The following ARL10 variants were observed in gnomAD, a reference collection of about 807,000 sequenced individuals.
ARL10 encodes ARF like GTPase 10, also known as ADP-ribosylation factor-like protein 10.
In ARL10, 23 loss-of-function variants were observed where a neutral mutation model predicts 26.1. That is an observed-to-expected ratio of 0.88 (90% CI 0.63 to 1.25). ARL10 has a LOEUF of 1.25. Ranked by LOEUF, ARL10 falls within the 50% of genes most tolerant of loss-of-function variation. ARL10 has a pLI of 0.00. For missense variants in ARL10, 300 were observed against 323.6 expected (o/e 0.93, Z 0.56); for synonymous variants, 138 against 149.1 (o/e 0.93, Z 0.54).
In ARL10 at chr5:176,375,231, T is replaced by TCCTTCCATCCATCCAC. The variant is rs1561775910; in HGVS notation, c.*3338_*3339insTTCCATCCATCCACCC. 3.9e-4 allele frequency: 41 copies of TCCTTCCATCCATCCAC among 104,198 alleles called. 1 individual carries two copies. Among genetic ancestry groups the TCCTTCCATCCATCCAC allele is most frequent in the African/African-American group, 1.3e-3 (38 of 28,632 alleles). 6.5% of individuals were successfully genotyped at this position (104,198 alleles called of 1,614,324 possible). On this transcript the variant is annotated 3_prime_UTR_variant, in exon 4 of 4. Transcript: ENST00000310389. Reference sequence around the variant, plus strand: ...ACTCATCCACCCATCCACCCATCCATCCATCCATCCATCCATCCTTCCATC... The same window carrying TCCTTCCATCCATCCAC: ...ACTCATCCACCCATCCACCCATCCATCCTTCCATCCATCCACCCATCCATCCATCCATCCTTCCATC...
chr5:176,406,355 G>A (rs1159286901), downstream of ARL10: 5 of 1,118,132 alleles, frequency 4.5e-6, no homozygotes, highest in African/African-American at 8.4e-5. Flanking sequence ...CCTCTCCTGA[G>A]GGGCCCCTCT....
At chr5:176,371,172 C>T (rs34247468) in intron 3 of ARL10, among the ~76,000 whole-genome samples, 14,989 of 152,142 alleles carry the variant, frequency 0.099, 894 homozygotes, top group Admixed American at 0.14. Context: ...GTCAGGAGTT[C>T]GAGACCAGCC....
At chr5:176,384,145 C>T, downstream of ARL10, 1 of 1,613,308 alleles carries the variant, frequency 6.2e-7, no homozygotes. Context: ...TCTGGAGCCA[C>T]ACAGCACCTC....
intron 2 of ARL10, chr5:176,367,889 G>C: frequency 1.9e-6 from 1 of 525,572 alleles, no homozygotes; most frequent in East Asian, 5.5e-5. Context: ...TCCCAGTTAG[G>C]GAGGGAGCTC....
the ARL10 span, among the ~76,000 whole-genome samples, chr5:176,411,287 T>C: frequency 6.6e-6 from 1 of 152,212 alleles, no homozygotes. Context: ...GGGCTGACAG[T>C]CTGTAAAACA....
At position 176,376,671 on chromosome 5, in the gene ARL10, C is replaced by G. The variant is rs1398139876; in HGVS notation, c.*4776C>G. The stretch of plus-strand genomic sequence containing the variant: ...AGTCTTCATCCACATCTAGGGAAAG[C>G]TGTTCATGTCTAGGACGTGATCTGC... On this transcript the variant is annotated 3_prime_UTR_variant, in exon 4 of 4. Transcript: ENST00000310389. 1 of 152,218 alleles carries G rather than the reference C, an allele frequency of 6.6e-6. No homozygotes were observed. The highest frequency in any genetic ancestry group is 1.5e-5 in the Non-Finnish European group (1 of 68,046). The allele number at this position is 152,218 out of a possible 1,614,324, so 9.4% of individuals were successfully genotyped here.
At chr5:176,390,057 C>G (rs1323233483), downstream of ARL10, among the ~76,000 whole-genome samples, 1 of 151,774 alleles carries the variant, frequency 6.6e-6, no homozygotes, top group South Asian at 2.1e-4. Flanking sequence ...TGTTGCGTGC[C>G]TGTAATCCCA....
chr5:176,389,717 T>G (rs1349738629), downstream of ARL10: 5 of 477,682 alleles, frequency 1.0e-5, no homozygotes, highest in Non-Finnish European at 1.8e-5. Context: ...ACATCTCCCC[T>G]CCACTCCCCT....
chr5:176,385,174 G>T, downstream of ARL10: 1 of 1,051,874 alleles, frequency 9.5e-7, no homozygotes, highest in Non-Finnish European at 1.5e-6. Flanking sequence ...AGCCGCGAAT[G>T]GTCCAGGGCG....
At chr5:176,369,335 C>A in intron 3 of ARL10, 1 of 676,162 alleles carries the variant, frequency 1.5e-6, no homozygotes, top group Non-Finnish European at 2.2e-6. Context: ...CGGGTTCAAG[C>A]AATTCTTGTG....
At chr5:176,367,031 G>A (rs1768338230) in intron 2 of ARL10, among the ~76,000 whole-genome samples, 1 of 109,632 alleles carries the variant, frequency 9.1e-6, no homozygotes, top group Middle Eastern at 7.2e-3. Flanking sequence ...TTTTTGAGAT[G>A]GAGTCTCACT....
chr5:176,372,727 G>T lies in ARL10; in HGVS notation c.*832G>T, dbSNP rs1299449632. The T allele has an allele frequency of 5.1e-6, 2 of 395,812 alleles. No individual in the cohort carries two copies. Among genetic ancestry groups the T allele is most frequent in the East Asian group, 7.2e-5 (2 of 27,930 alleles). 24.5% of individuals were successfully genotyped at this position (395,812 alleles called of 1,614,324 possible). A position where few individuals can be genotyped will look rare whatever the true frequency, so the allele number is the denominator to read the frequency against. ...GTGCCCATGTTTACAGAAGTCAGGG[G>T]AAGGAAGGAGCCTGTGTCCCTGGGA... On this transcript the variant is annotated 3_prime_UTR_variant, in exon 4 of 4. Transcript: ENST00000310389.
chr5:176,388,440 T>TCCGCG lies in ARL10; in HGVS notation c.183_187dup (p.Gly63AlafsTer17). 1.2e-6 allele frequency: 2 copies of TCCGCG among 1,614,170 alleles called. No individual in the cohort carries two copies. The highest frequency in any genetic ancestry group is 8.5e-7 in the Non-Finnish European group (1 of 1,180,006). ...GAACCCCAGCCCCCTCACCATTCGA[T>TCCGCG]CCGCGGCGCTGCCTTCCGTCGAGCA... On this transcript the variant is annotated frameshift_variant, in exon 2 of 2. Coordinates refer to the ARL10 transcript ENST00000503175. LOFTEE classifies it high-confidence loss of function.
In ARL10 at chr5:176,374,097, G is replaced by A. The variant is rs561460127; in HGVS notation, c.*2202G>A. On this transcript the variant is annotated 3_prime_UTR_variant, in exon 4 of 4. Transcript: ENST00000310389. Reference sequence around the variant, plus strand: ...CATGTTTTAGCAGCCTTCAGCCGACGATTGACTGAAGGTTTGGCTGCTGTG... The same window carrying A: ...CATGTTTTAGCAGCCTTCAGCCGACAATTGACTGAAGGTTTGGCTGCTGTG... 1.3e-5 allele frequency: 2 copies of A among 152,280 alleles called. No individual in the cohort carries two copies. Among genetic ancestry groups the A allele is most frequent in the African/African-American group, 2.4e-5 (1 of 41,558 alleles). The allele number at this position is 152,280 out of a possible 1,614,324, so 9.4% of individuals were successfully genotyped here.
chr5:176,413,695 C>G, the ARL10 span, among the ~76,000 whole-genome samples: 1 of 152,218 alleles, frequency 6.6e-6, no homozygotes, highest in East Asian at 1.9e-4. Context: ...CATCCAGGCT[C>G]CTGGCACACA....
chr5:176,386,878 C>T (rs748516531), downstream of ARL10: 10 of 1,613,980 alleles, frequency 6.2e-6, no homozygotes, highest in African/African-American at 1.2e-4. Flanking sequence ...CTCTTTAGGC[C>T]TCTCCTCTAT....
At chr5:176,409,406 C>CTTTTTT in the ARL10 span, among the ~76,000 whole-genome samples, 2 of 79,658 alleles carry the variant, frequency 2.5e-5, no homozygotes, top group African/African-American at 5.7e-5. Flanking sequence ...TCTGATTGCC[C>CTTTTTT]TTTTTTTTTT....
intron 1 of ARL10, among the ~76,000 whole-genome samples, chr5:176,395,959 A>G (rs1228379173): frequency 6.6e-6 from 1 of 152,116 alleles, no homozygotes; most frequent in African/African-American, 2.4e-5. Context: ...ACATGGTGAA[A>G]CCCCGTCTCT....
At chr5:176,408,671 C>T in the ARL10 span, among the ~76,000 whole-genome samples, 1 of 152,274 alleles carries the variant, frequency 6.6e-6, no homozygotes, top group East Asian at 1.9e-4. Flanking sequence ...TATAGGCACA[C>T]ACTATTGCCC....
Sources: allele counts gnomAD v4.1 joint callset (sites outside exome capture counted in the v4.1 genomes callset), GRCh38; gene constraint gnomAD v4.1.1; transcripts MANE v1.5; gene names NCBI Gene and HGNC (gene_info 2026-07-23, HGNC 2026-07-21).